The following CLDN10 variants were observed in gnomAD, a reference collection of about 807,000 sequenced individuals.
CLDN10 encodes the protein claudin 10, also known as claudin-10.
In CLDN10, 15 loss-of-function variants were observed where a neutral mutation model predicts 22.9. The observed-to-expected ratio is 0.65, with a 90% CI of 0.44 to 1.01. The LOEUF is 1.01. CLDN10 is among the 50% of genes least tolerant of loss of function. The pLI, the probability that CLDN10 is intolerant of heterozygous loss-of-function variation, is 0.00. For missense variants in CLDN10, 247 were observed against 287.8 expected (o/e 0.86, Z 1.03); for synonymous variants, 114 against 111.4 (o/e 1.02, Z -0.15).
chr13:95,481,529 C>T (rs573011410), intron 1 of CLDN10, among the ~76,000 whole-genome samples: 1 of 152,246 alleles, frequency 6.6e-6, no homozygotes, highest in South Asian at 2.1e-4. Flanking sequence ...AACTTTTAGT[C>T]TCTGAGGGCC....
intron 1 of CLDN10, among the ~76,000 whole-genome samples, chr13:95,518,829 GAC>G (rs2043196884): frequency 6.6e-6 from 1 of 152,160 alleles, no homozygotes; most frequent in Non-Finnish European, 1.5e-5. Flanking sequence ...ACTGCTCTAA[GAC>G]AGAGTGGTTG....
chr13:95,561,764 CTTTTTTTT>C (rs201890987), intron 3 of CLDN10, among the ~76,000 whole-genome samples: 2 of 135,316 alleles, frequency 1.5e-5, no homozygotes, highest in African/African-American at 5.4e-5. Context: ...TTCTTTCGTC[CTTTTTTTT>C]TTTTTTTTTA....
chr13:95,539,644 G>A (rs2043438618), intron 1 of CLDN10, among the ~76,000 whole-genome samples: 1 of 152,118 alleles, frequency 6.6e-6, no homozygotes, highest in South Asian at 2.1e-4. Context: ...TTACAAGATG[G>A]CTTTATTTCT....
chr13:95,527,520 A>G (rs1309725891), intron 1 of CLDN10, among the ~76,000 whole-genome samples: 2 of 152,112 alleles, frequency 1.3e-5, no homozygotes, highest in Non-Finnish European at 2.9e-5. Flanking sequence ...ACCTGAGGTC[A>G]GGAGTTCAAG....
At chr13:95,536,982 C>A (rs1011204808) in intron 1 of CLDN10, among the ~76,000 whole-genome samples, 1 of 152,128 alleles carries the variant, frequency 6.6e-6, no homozygotes, top group African/African-American at 2.4e-5. Context: ...TGAATCCTGT[C>A]CTGTTGTGTG....
intron 1 of CLDN10, among the ~76,000 whole-genome samples, chr13:95,522,427 T>C (rs1344636073): frequency 6.6e-6 from 1 of 152,050 alleles, no homozygotes; most frequent in Non-Finnish European, 1.5e-5. Flanking sequence ...ACATTTTTCT[T>C]ATAAATGTCT....
At chr13:95,445,089 C>T (rs1411344082) in intron 1 of CLDN10, among the ~76,000 whole-genome samples, 1 of 152,222 alleles carries the variant, frequency 6.6e-6, no homozygotes, top group Non-Finnish European at 1.5e-5. Flanking sequence ...GCACTCCCAT[C>T]TGTTAAATGG....
At chr13:95,525,051 G>T (rs1639219426) in intron 1 of CLDN10, among the ~76,000 whole-genome samples, 1 of 151,922 alleles carries the variant, frequency 6.6e-6, no homozygotes, top group Admixed American at 6.6e-5. Flanking sequence ...TAGAGACGGG[G>T]TTTCTCCATG....
intron 1 of CLDN10, among the ~76,000 whole-genome samples, chr13:95,538,695 T>C (rs2043427268): frequency 6.6e-6 from 1 of 152,124 alleles, no homozygotes; most frequent in Non-Finnish European, 1.5e-5. Context: ...TGGATCACAT[T>C]TTCTTTTCTG....
chr13:95,541,735 G>C (rs2043462427), intron 1 of CLDN10, among the ~76,000 whole-genome samples: 1 of 152,170 alleles, frequency 6.6e-6, no homozygotes, highest in South Asian at 2.1e-4. Flanking sequence ...AGCTAGAATA[G>C]ATGGCAGGTC....
chr13:95,466,946 G>A (rs555797661), intron 1 of CLDN10, among the ~76,000 whole-genome samples: 1 of 142,958 alleles, frequency 7.0e-6, no homozygotes, highest in South Asian at 2.2e-4. Context: ...GCATGATCTC[G>A]GCTCACTGCA....
At chr13:95,543,207 G>A (rs1041298955) in intron 1 of CLDN10, among the ~76,000 whole-genome samples, 13 of 151,942 alleles carry the variant, frequency 8.6e-5, no homozygotes, top group Admixed American at 7.2e-4. Context: ...ACTTCAGCCT[G>A]GGCGACAGAG....
intron 1 of CLDN10, among the ~76,000 whole-genome samples, chr13:95,504,582 G>A (rs551073161): frequency 1.1e-4 from 17 of 152,100 alleles, no homozygotes; most frequent in African/African-American, 1.9e-4. Context: ...GTTTCACCAC[G>A]TTGGTCAGGC....
At chr13:95,558,759 C>G (rs1199372306) in intron 1 of CLDN10, among the ~76,000 whole-genome samples, 2 of 152,054 alleles carry the variant, frequency 1.3e-5, no homozygotes, top group East Asian at 1.9e-4. Context: ...GACACTGTCT[C>G]TATAAAAATT....
At chr13:95,552,687 G>T (rs1031544546), upstream of CLDN10, 4 of 1,506,180 alleles carry the variant, frequency 2.7e-6, no homozygotes, top group Admixed American at 8.1e-5. Flanking sequence ...GGAGCCCCGG[G>T]GTTGGGAGTG....
chr13:95,573,361 T>C (rs1196456330), intron 3 of CLDN10, among the ~76,000 whole-genome samples: 1 of 152,244 alleles, frequency 6.6e-6, no homozygotes, highest in East Asian at 1.9e-4. Context: ...TCCAGTGTCA[T>C]GTAGATTTGC....
chr13:95,486,936 G>GAAA (rs2042811283), intron 1 of CLDN10, among the ~76,000 whole-genome samples: 1 of 152,192 alleles, frequency 6.6e-6, no homozygotes, highest in Non-Finnish European at 1.5e-5. Context: ...TTTTGGTGGA[G>GAAA]AAAAGAGGTG....
At chr13:95,556,377 C>T (rs2043639980) in intron 1 of CLDN10, among the ~76,000 whole-genome samples, 2 of 152,158 alleles carry the variant, frequency 1.3e-5, no homozygotes, top group Admixed American at 1.3e-4. Context: ...TCTCTGATTC[C>T]CCTCCCCTAG....
At chr13:95,435,233 C>A (rs2042256747) in intron 1 of CLDN10, among the ~76,000 whole-genome samples, 1 of 152,150 alleles carries the variant, frequency 6.6e-6, no homozygotes, top group African/African-American at 2.4e-5. Flanking sequence ...AAATCTGCCA[C>A]AAATTGTGGG....
Sources: allele counts gnomAD v4.1 joint callset (sites outside exome capture counted in the v4.1 genomes callset), GRCh38; gene constraint gnomAD v4.1.1; transcripts MANE v1.5; gene names NCBI Gene and HGNC (gene_info 2026-07-23, HGNC 2026-07-21).